The following RPS6KA5 variants were observed in gnomAD, a reference collection of about 807,000 sequenced individuals.
RPS6KA5 encodes ribosomal protein S6 kinase A5, also known as ribosomal protein S6 kinase alpha-5.
In RPS6KA5, 27 loss-of-function variants were observed where a neutral mutation model predicts 85.5. The observed-to-expected ratio is 0.32, with a 90% CI of 0.23 to 0.44. The LOEUF is 0.44. RPS6KA5 is among the 20% of genes least tolerant of loss of function. The pLI, the probability that RPS6KA5 is intolerant of heterozygous loss-of-function variation, is 1.00. For synonymous variants in RPS6KA5, 334 were observed against 348.2 expected (o/e 0.96, Z 0.46); for missense variants, 811 against 980.9 (o/e 0.83, Z 2.31).
At chr14:91,042,979 A>G (rs894250660) in intron 1 of RPS6KA5, among the ~76,000 whole-genome samples, 3 of 152,052 alleles carry the variant, frequency 2.0e-5, no homozygotes, top group African/African-American at 7.2e-5. Context: ...TCCAGAACCA[A>G]GTCTCTCAAA....
chr14:91,024,731 T>G (rs1427326080), intron 1 of RPS6KA5, among the ~76,000 whole-genome samples: 3 of 152,196 alleles, frequency 2.0e-5, no homozygotes, highest in African/African-American at 7.2e-5. Flanking sequence ...AACACCCTTT[T>G]CCTTAGCCAC....
At chr14:91,047,833 T>A (rs990623077) in intron 1 of RPS6KA5, among the ~76,000 whole-genome samples, 1 of 152,220 alleles carries the variant, frequency 6.6e-6, no homozygotes, top group Non-Finnish European at 1.5e-5. Flanking sequence ...GCTGTCTGCA[T>A]TCCTTAGCTC....
intron 3 of RPS6KA5, among the ~76,000 whole-genome samples, chr14:90,975,241 A>G (rs2039510945): frequency 6.6e-6 from 1 of 152,240 alleles, no homozygotes; most frequent in South Asian, 2.1e-4. Context: ...ACTGTTAGCA[A>G]GGTTCCTGAA....
intron 2 of RPS6KA5, among the ~76,000 whole-genome samples, chr14:90,981,735 T>C (rs1177644557): frequency 6.6e-6 from 1 of 152,260 alleles, no homozygotes. Context: ...TGATTAACAT[T>C]TAAGCTACAA....
chr14:90,876,367 A>G (rs1220410896), intron 14 of RPS6KA5, among the ~76,000 whole-genome samples: 2 of 152,020 alleles, frequency 1.3e-5, no homozygotes, highest in Admixed American at 1.3e-4. Context: ...ATCTGTAATT[A>G]CCCCTGTTTT....
chr14:91,011,585 G>C (rs930336795), intron 1 of RPS6KA5, among the ~76,000 whole-genome samples: 11 of 152,164 alleles, frequency 7.2e-5, no homozygotes, highest in African/African-American at 2.7e-4. Context: ...CAAACATCAG[G>C]TTCCCTATCA....
At position 90,919,295 on chromosome 14, in the gene RPS6KA5, G is replaced by A. The variant is rs182808985; in HGVS notation, c.806+911C>T. Among the ~76,000 whole-genome samples the A allele has an allele frequency of 2.0e-4, 30 of 152,162 alleles. No homozygotes were observed. In the East Asian group the frequency reaches 4.1e-3, roughly 21 times the overall value. ...TAGGGCTCACCTCATTTATTTTTCCGCCTCTCAAAGAACACTGTCCTTCAC... is the reference window on the plus strand; with the variant it reads ...TAGGGCTCACCTCATTTATTTTTCCACCTCTCAAAGAACACTGTCCTTCAC... On this transcript the variant is annotated intron_variant, in intron 7 of 16. Coordinates refer to ENST00000614987, the MANE Select transcript of RPS6KA5 (RefSeq NM_004755.4).
chr14:91,027,040 A>C (rs191681125), intron 1 of RPS6KA5, among the ~76,000 whole-genome samples: 1 of 152,268 alleles, frequency 6.6e-6, no homozygotes, highest in Non-Finnish European at 1.5e-5. Context: ...TGTCAGATAC[A>C]TAGTTGCGAA....
chr14:91,018,484 T>G (rs2041600400), intron 1 of RPS6KA5, among the ~76,000 whole-genome samples: 2 of 152,222 alleles, frequency 1.3e-5, no homozygotes, highest in Admixed American at 1.3e-4. Flanking sequence ...GGCACCACCA[T>G]CCAATCGGCT....
chr14:90,875,374 A>C lies in RPS6KA5; in HGVS notation c.1837-14T>G. 2 of 1,607,284 alleles carry C rather than the reference A, an allele frequency of 1.2e-6. No homozygotes were observed. Among genetic ancestry groups the C allele is most frequent in the Non-Finnish European group, 1.7e-6 (2 of 1,176,000 alleles). On this transcript the variant is annotated splice_polypyrimidine_tract_variant and intron_variant, in intron 14 of 16. Transcript: ENST00000614987. ...CAACATTGTGTACTATCAGGGAAAA[A>C]GTAACAAAACAGAATGACTACCCAG...
chr14:90,996,193 G>T (rs908271159), intron 2 of RPS6KA5, among the ~76,000 whole-genome samples: 45 of 138,732 alleles, frequency 3.2e-4, no homozygotes, highest in Non-Finnish European at 5.2e-4. Flanking sequence ...TGTTTTTTTT[G>T]TTTTTTTTTT....
chr14:90,973,713 G>A (rs976009940), intron 3 of RPS6KA5, among the ~76,000 whole-genome samples: 29 of 152,196 alleles, frequency 1.9e-4, no homozygotes, highest in African/African-American at 6.5e-4. Context: ...CATATGTTAT[G>A]TTACATTACA....
intron 14 of RPS6KA5, among the ~76,000 whole-genome samples, chr14:90,885,084 C>T (rs990440088): frequency 5.3e-5 from 8 of 151,654 alleles, no homozygotes; most frequent in Non-Finnish European, 1.2e-4. Flanking sequence ...AAAACCCCAC[C>T]TCTACAAAAA....
At chr14:91,048,915 A>T (rs751254891) in intron 1 of RPS6KA5, among the ~76,000 whole-genome samples, 2 of 152,230 alleles carry the variant, frequency 1.3e-5, no homozygotes, top group Non-Finnish European at 2.9e-5. Context: ...TTTCACAGGG[A>T]AGAATTCAAT....
intron 2 of RPS6KA5, among the ~76,000 whole-genome samples, chr14:90,986,641 G>A (rs1168462155): frequency 6.6e-6 from 1 of 152,162 alleles, no homozygotes; most frequent in African/African-American, 2.4e-5. Flanking sequence ...ACAGGCCGGT[G>A]CATCTATTCT....
chr14:91,019,259 T>C (rs1388983341), intron 1 of RPS6KA5, among the ~76,000 whole-genome samples: 1 of 152,126 alleles, frequency 6.6e-6, no homozygotes, highest in Non-Finnish European at 1.5e-5. Flanking sequence ...GGTGTTTCTG[T>C]GGGGAGATTG....
intron 6 of RPS6KA5, among the ~76,000 whole-genome samples, chr14:90,922,300 G>A (rs568045661): frequency 6.6e-6 from 1 of 152,088 alleles, no homozygotes; most frequent in Admixed American, 6.5e-5. Context: ...TGTTTTTCTA[G>A]TAGAAATTAA....
intron 14 of RPS6KA5, among the ~76,000 whole-genome samples, chr14:90,886,811 A>G (rs1453672122): frequency 6.6e-6 from 1 of 152,256 alleles, no homozygotes; most frequent in Non-Finnish European, 1.5e-5. Context: ...TTAAAGTCCT[A>G]TACATTTCAG....
At chr14:90,944,769 AT>A (rs1247124026) in intron 4 of RPS6KA5, among the ~76,000 whole-genome samples, 2 of 150,174 alleles carry the variant, frequency 1.3e-5, no homozygotes, top group African/African-American at 4.9e-5. Flanking sequence ...AAAAAAAAAA[AT>A]TAGCTGGGTG....
Sources: allele counts gnomAD v4.1 joint callset (sites outside exome capture counted in the v4.1 genomes callset), GRCh38; gene constraint gnomAD v4.1.1; transcripts MANE v1.5; gene names NCBI Gene and HGNC (gene_info 2026-07-23, HGNC 2026-07-21).